The following DLG2 variants were observed in gnomAD, a reference collection of about 807,000 sequenced individuals.
DLG2 encodes disks large homolog 2.
DLG2 carries 45 observed loss-of-function variants against 132.5 expected under a neutral mutation model. The ratio of observed to expected loss-of-function variants is 0.34; its 90% CI spans 0.27 to 0.44. DLG2 has a LOEUF of 0.44. Ranked by LOEUF, DLG2 falls within the 20% of genes least tolerant of loss-of-function variation. The pLI, the probability that DLG2 is intolerant of heterozygous loss-of-function variation, is 1.00. For synonymous variants in DLG2, 424 were observed against 419.6 expected (o/e 1.01, Z -0.13); for missense variants, 1,045 against 1,196.9 (o/e 0.87, Z 1.87).
intron 4 of DLG2, among the ~76,000 whole-genome samples, chr11:85,191,140 G>A (rs1461026770): frequency 4.1e-5 from 6 of 146,776 alleles, no homozygotes; most frequent in Non-Finnish European, 1.5e-5. Flanking sequence ...TTGTCTATAT[G>A]CATGCGCGCG....
At chr11:84,674,338 T>G (rs1282426263) in intron 6 of DLG2, among the ~76,000 whole-genome samples, 1 of 152,136 alleles carries the variant, frequency 6.6e-6, no homozygotes, top group African/African-American at 2.4e-5. Flanking sequence ...TTTTACTTCC[T>G]TGAGTAGTCA....
At chr11:83,606,908 C>CAG (rs1053067184) in intron 19 of DLG2, among the ~76,000 whole-genome samples, 2 of 151,698 alleles carry the variant, frequency 1.3e-5, no homozygotes, top group African/African-American at 2.4e-5. Context: ...GCCTGGGCGA[C>CAG]AGAGAGAGAC....
intron 7 of DLG2, among the ~76,000 whole-genome samples, chr11:84,377,860 G>A (rs1010584494): frequency 5.3e-5 from 8 of 152,166 alleles, no homozygotes; most frequent in African/African-American, 2.4e-5. Context: ...GAAGCCACCA[G>A]CTTCACTGGG....
intron 6 of DLG2, among the ~76,000 whole-genome samples, chr11:84,904,090 G>T (rs574170523): frequency 6.6e-6 from 1 of 152,066 alleles, no homozygotes; most frequent in Non-Finnish European, 1.5e-5. Context: ...CATAACAAAA[G>T]TACTCAGTTT....
chr11:85,280,504 A>G (rs1407521154), intron 4 of DLG2, among the ~76,000 whole-genome samples: 1 of 152,056 alleles, frequency 6.6e-6, no homozygotes, highest in Non-Finnish European at 1.5e-5. Context: ...CAGTGCTGTT[A>G]CTGTAACACT....
chr11:85,165,075 T>C (rs2078336788), intron 4 of DLG2, among the ~76,000 whole-genome samples: 1 of 152,200 alleles, frequency 6.6e-6, no homozygotes, highest in Admixed American at 6.5e-5. Flanking sequence ...CTGATCTAGT[T>C]AACAAATGTT....
chr11:84,506,225 G>A (rs1180187270), intron 7 of DLG2, among the ~76,000 whole-genome samples: 4 of 151,404 alleles, frequency 2.6e-5, no homozygotes, highest in African/African-American at 7.3e-5. Context: ...ACAGGCGCCC[G>A]CCACTGCGCC....
rs142904084 is a variant in DLG2 at position 84,999,475 on chromosome 11, G to A, written c.357+112186C>T. On this transcript the variant is annotated intron_variant, in intron 6 of 27. Coordinates refer to ENST00000376104, the MANE Select transcript of DLG2 (RefSeq NM_001142699.3). The stretch of plus-strand genomic sequence containing the variant: ...ATGAAGGAAATAATCATCACTTGAC[G>A]TATGATTTGGGTTTTCTGTAGACAT... 3.1e-3 allele frequency among the ~76,000 whole-genome samples: 465 copies of A among 152,164 alleles called. 1 individual carries two copies. The highest frequency in any genetic ancestry group is 9.1e-3 in the African/African-American group (377 of 41,510).
intron 21 of DLG2, among the ~76,000 whole-genome samples, chr11:83,501,904 C>T (rs1180789086): frequency 1.3e-5 from 2 of 152,142 alleles, no homozygotes; most frequent in Non-Finnish European, 2.9e-5. Flanking sequence ...TAAGGGTTCT[C>T]TAATTGCTCT....
chr11:84,799,060 C>G (rs552837922), intron 6 of DLG2, among the ~76,000 whole-genome samples: 1 of 152,286 alleles, frequency 6.6e-6, no homozygotes, highest in East Asian at 1.9e-4. Context: ...CCTGAGCCAT[C>G]CCATCTGGTG....
At chr11:84,361,684 T>A (rs1414627646) in intron 7 of DLG2, among the ~76,000 whole-genome samples, 1 of 152,004 alleles carries the variant, frequency 6.6e-6, no homozygotes, top group Non-Finnish European at 1.5e-5. Context: ...GTTGCATTTT[T>A]AATCTCTTTA....
chr11:83,549,854 T>C (rs1441872160), intron 19 of DLG2, among the ~76,000 whole-genome samples: 1 of 152,210 alleles, frequency 6.6e-6, no homozygotes, highest in Non-Finnish European at 1.5e-5. Context: ...GGCTTCAACA[T>C]AATTCACTAT....
chr11:83,672,035 C>T (rs1244825582), intron 18 of DLG2, among the ~76,000 whole-genome samples: 1 of 151,934 alleles, frequency 6.6e-6, no homozygotes, highest in Non-Finnish European at 1.5e-5. Context: ...GAGGGTAAGA[C>T]AAATAAAGGG....
chr11:85,257,134 T>C (rs2076711550), intron 4 of DLG2, among the ~76,000 whole-genome samples: 1 of 152,184 alleles, frequency 6.6e-6, no homozygotes, highest in Non-Finnish European at 1.5e-5. Context: ...AATGAATAAT[T>C]TCATGATATC....
intron 16 of DLG2, among the ~76,000 whole-genome samples, chr11:83,837,107 G>T (rs1034429409): frequency 2.6e-5 from 4 of 152,100 alleles, no homozygotes; most frequent in Admixed American, 2.6e-4. Context: ...CTCCTCACAG[G>T]GCCCTGCTGA....
At chr11:84,865,923 G>C (rs1312637763) in intron 6 of DLG2, among the ~76,000 whole-genome samples, 1 of 152,172 alleles carries the variant, frequency 6.6e-6, no homozygotes, top group Non-Finnish European at 1.5e-5. Flanking sequence ...GGTATCCTTT[G>C]CCAACCCCCT....
chr11:83,986,380 G>A (rs113293920), intron 11 of DLG2, among the ~76,000 whole-genome samples: 5,294 of 151,862 alleles, frequency 0.035, 112 homozygotes, highest in Non-Finnish European at 0.053. Context: ...CCCTACAAAG[G>A]ACAAGAACTC....
intron 6 of DLG2, among the ~76,000 whole-genome samples, chr11:84,966,255 C>A (rs1591955165): frequency 6.6e-6 from 1 of 152,084 alleles, no homozygotes; most frequent in South Asian, 2.1e-4. Context: ...ACAGTGTGTG[C>A]ATTACCAACA....
chr11:85,272,141 G>C (rs1044078867), intron 4 of DLG2, among the ~76,000 whole-genome samples: 3 of 152,142 alleles, frequency 2.0e-5, no homozygotes, highest in Non-Finnish European at 1.5e-5. Flanking sequence ...CTATTCTCAT[G>C]ATAGTGAATA....
Sources: gnomAD v4.1 joint callset for allele counts (sites outside exome capture counted in the v4.1 genomes callset) on GRCh38, gnomAD v4.1.1 for gene constraint, MANE v1.5 for transcripts, NCBI Gene and HGNC (gene_info 2026-07-23, HGNC 2026-07-21) for gene names.